The following BCKDHB variants were observed in gnomAD, a reference collection of about 807,000 sequenced individuals.
BCKDHB encodes the protein branched chain keto acid dehydrogenase E1 subunit beta, also known as 2-oxoisovalerate dehydrogenase subunit beta, mitochondrial.
In BCKDHB, 41 loss-of-function variants were observed where a neutral mutation model predicts 48.5. The observed-to-expected ratio is 0.85, with a 90% confidence interval of 0.66 to 1.10. The LOEUF is 1.10. Ranked by LOEUF, BCKDHB falls within the 50% of genes least tolerant of loss-of-function variation. The pLI is 0.00. For missense variants in BCKDHB, 496 were observed against 494.2 expected, an observed-to-expected ratio of 1.00 and a Z score of -0.03; for synonymous variants, 201 against 174.8, an observed-to-expected ratio of 1.15 and a Z score of -1.18.
At chr6:80,191,440 C>T (rs920548918) in intron 6 of BCKDHB, among the ~76,000 whole-genome samples, 4 of 152,074 alleles carry the variant, frequency 2.6e-5, no homozygotes, top group African/African-American at 9.7e-5. Flanking sequence ...GAGGGACTTA[C>T]ATTACCAAAA....
Position 80,169,045 on chromosome 6 carries a change from G to A in BCKDHB, c.633+15G>A, listed in dbSNP as rs569974877. On this transcript the variant is annotated intron_variant, in intron 5 of 9. Transcript: ENST00000320393. Reference sequence around the variant, plus strand: ...CAGGAATCAAGGTATGTTCATTTATGTACTTTATTTGATTTCTATTTGATG... The same window carrying A: ...CAGGAATCAAGGTATGTTCATTTATATACTTTATTTGATTTCTATTTGATG... 65 of 1,612,134 alleles carry A rather than the reference G, an allele frequency of 4.0e-5. No individual in the cohort carries two copies. In the African/African-American group the frequency reaches 7.7e-4, roughly 19 times the overall value.
At chr6:80,175,129 A>G (rs959765603) in intron 6 of BCKDHB, among the ~76,000 whole-genome samples, 2 of 152,124 alleles carry the variant, frequency 1.3e-5, no homozygotes, top group Non-Finnish European at 2.9e-5. Flanking sequence ...TGTCTTCAAC[A>G]TGTAGTTTTC....
chr6:80,342,655 G>A (rs112626176), intron 9 of BCKDHB, among the ~76,000 whole-genome samples: 57 of 151,816 alleles, frequency 3.8e-4, no homozygotes, highest in African/African-American at 1.2e-3. Context: ...GGAAGGCGTC[G>A]GTGATGTGCA....
At chr6:80,308,594 C>CT (rs1436244021) in intron 9 of BCKDHB, among the ~76,000 whole-genome samples, 1 of 126,750 alleles carries the variant, frequency 7.9e-6, no homozygotes, top group Non-Finnish European at 1.7e-5. Flanking sequence ...TCTTCTTCTT[C>CT]TTCTTTTTTT....
chr6:80,222,474 A>G (rs1775501522), intron 8 of BCKDHB, among the ~76,000 whole-genome samples: 2 of 152,148 alleles, frequency 1.3e-5, no homozygotes, highest in African/African-American at 4.8e-5. Flanking sequence ...CTCATTGCAA[A>G]AACAGACTCA....
the BCKDHB span, among the ~76,000 whole-genome samples, chr6:80,394,655 A>G: frequency 5.4e-4 from 82 of 152,280 alleles, 1 homozygote; most frequent in South Asian, 2.3e-3. Flanking sequence ...GTTTAATTGG[A>G]CAGAAACCAA....
intron 3 of BCKDHB, among the ~76,000 whole-genome samples, chr6:80,139,741 G>A (rs2038041497): frequency 6.6e-6 from 1 of 152,010 alleles, no homozygotes; most frequent in South Asian, 2.1e-4. Context: ...GTAGTGTGAT[G>A]CCTCCAGCTT....
chr6:80,333,198 T>C (rs1769409203), intron 9 of BCKDHB, among the ~76,000 whole-genome samples: 1 of 152,176 alleles, frequency 6.6e-6, no homozygotes, highest in African/African-American at 2.4e-5. Flanking sequence ...TGAAGTCTTA[T>C]GCAGTGCACC....
intron 9 of BCKDHB, among the ~76,000 whole-genome samples, chr6:80,297,082 A>G (rs1015670856): frequency 3.9e-5 from 6 of 152,214 alleles, no homozygotes; most frequent in African/African-American, 1.4e-4. Flanking sequence ...GACAATGGAC[A>G]GAAGTGCAGA....
At chr6:80,357,521 G>T in the BCKDHB span, among the ~76,000 whole-genome samples, 2 of 152,154 alleles carry the variant, frequency 1.3e-5, no homozygotes, top group African/African-American at 4.8e-5. Context: ...GAAGGGTGGA[G>T]AATGAATTTG....
chr6:80,359,098 G>C, the BCKDHB span, among the ~76,000 whole-genome samples: 4 of 152,168 alleles, frequency 2.6e-5, no homozygotes, highest in Non-Finnish European at 4.4e-5. Context: ...CAAGTTCTTC[G>C]TGGGTCTGAG....
chr6:80,130,016 C>T (rs1474491861), intron 3 of BCKDHB, among the ~76,000 whole-genome samples: 3 of 152,140 alleles, frequency 2.0e-5, no homozygotes, highest in African/African-American at 7.2e-5. Context: ...TTTATCCCAG[C>T]TGATGTCTTT....
intron 8 of BCKDHB, among the ~76,000 whole-genome samples, chr6:80,240,377 A>C (rs1325117479): frequency 6.6e-6 from 1 of 151,190 alleles, no homozygotes; most frequent in Non-Finnish European, 1.5e-5. Flanking sequence ...GGAGAATACA[A>C]CTCACATGCC....
chr6:80,240,809 T>G (rs1439787856), intron 8 of BCKDHB, among the ~76,000 whole-genome samples: 3 of 152,188 alleles, frequency 2.0e-5, no homozygotes, highest in African/African-American at 7.2e-5. Context: ...CTTGCTAGGT[T>G]GGGGAAGTTC....
chr6:80,116,880 CAGTACAGCTTTGGTT>C (rs1769734468), intron 1 of BCKDHB, among the ~76,000 whole-genome samples: 1 of 152,162 alleles, frequency 6.6e-6, no homozygotes, highest in African/African-American at 2.4e-5. Flanking sequence ...GTCTTACCAG[CAGTACAGCTTTGGTT>C]AGCACATGCT....
the BCKDHB span, among the ~76,000 whole-genome samples, chr6:80,392,936 G>A: frequency 7.1e-6 from 1 of 140,144 alleles, no homozygotes; most frequent in African/African-American, 2.7e-5. Context: ...TAAATAACAT[G>A]CAATTTCTTG....
chr6:80,177,835 T>C (rs1158884508), intron 6 of BCKDHB, among the ~76,000 whole-genome samples: 5 of 152,206 alleles, frequency 3.3e-5, no homozygotes, highest in Admixed American at 2.0e-4. Flanking sequence ...AGTTAACTTG[T>C]CAACTTTAAA....
At chr6:80,374,875 T>C in the BCKDHB span, among the ~76,000 whole-genome samples, 2 of 152,224 alleles carry the variant, frequency 1.3e-5, no homozygotes, top group Non-Finnish European at 2.9e-5. Flanking sequence ...CATTTGTTTG[T>C]CTGGAAAAGA....
chr6:80,285,194 T>G (rs1766568781), intron 9 of BCKDHB, among the ~76,000 whole-genome samples: 1 of 152,112 alleles, frequency 6.6e-6, no homozygotes, highest in Admixed American at 6.5e-5. Context: ...GCTGAACAAC[T>G]TGAGTGTATT....
Sources: allele counts gnomAD v4.1 joint callset (sites outside exome capture counted in the v4.1 genomes callset), GRCh38; gene constraint gnomAD v4.1.1; transcripts MANE v1.5; gene names NCBI Gene and HGNC (gene_info 2026-07-23, HGNC 2026-07-21).